ERBB4: variants seen among roughly 807,000 people sequenced by gnomAD.
ERBB4 encodes the protein erb-b2 receptor tyrosine kinase 4, also known as receptor tyrosine-protein kinase erbB-4.
ERBB4 carries 42 observed loss-of-function variants against 158.0 expected under a neutral mutation model. The observed-to-expected ratio is 0.27, with a 90% CI of 0.21 to 0.34. The LOEUF (loss-of-function observed/expected upper bound fraction) is 0.34. ERBB4 is among the 10% of genes least tolerant of loss of function. The probability of loss-of-function intolerance (pLI) is 1.00; values close to 1 mark genes in which losing one functional copy is unlikely to be tolerated. For synonymous variants in ERBB4, 583 were observed against 558.7 expected (o/e 1.04, Z -0.61); for missense variants, 1,333 against 1,624.1 (o/e 0.82, Z 3.08).
intron 4 of ERBB4, among the ~76,000 whole-genome samples, chr2:211,759,881 T>C (rs572715565): frequency 6.6e-6 from 1 of 152,190 alleles, no homozygotes; most frequent in African/African-American, 2.4e-5. Flanking sequence ...AGTTTTGTCA[T>C]CTGCTATTTT....
At chr2:211,863,051 C>T (rs1195249908) in intron 3 of ERBB4, among the ~76,000 whole-genome samples, 3 of 151,542 alleles carry the variant, frequency 2.0e-5, no homozygotes, top group Non-Finnish European at 2.9e-5. Flanking sequence ...CCAATCATCA[C>T]TCTGTAAAAA....
At chr2:212,320,695 C>T (rs950832919) in intron 1 of ERBB4, among the ~76,000 whole-genome samples, 6 of 149,830 alleles carry the variant, frequency 4.0e-5, no homozygotes, top group African/African-American at 1.5e-4. Context: ...AAGAAGCTAT[C>T]ATTCTTATAC....
chr2:212,265,923 C>G, intron 1 of ERBB4, among the ~76,000 whole-genome samples: 1 of 152,062 alleles, frequency 6.6e-6, no homozygotes, highest in Non-Finnish European at 1.5e-5. Context: ...ACTGTAACCA[C>G]TGAAGTGGCA....
intron 19 of ERBB4, among the ~76,000 whole-genome samples, chr2:211,566,935 G>A (rs1185168693): frequency 6.6e-6 from 1 of 152,142 alleles, no homozygotes; most frequent in Non-Finnish European, 1.5e-5. Context: ...AAGATCTTAG[G>A]AGTCTCCATT....
intron 2 of ERBB4, among the ~76,000 whole-genome samples, chr2:212,084,599 G>A (rs895037175): frequency 6.6e-5 from 10 of 152,092 alleles, no homozygotes; most frequent in Admixed American, 3.9e-4. Context: ...AAAGTTACAA[G>A]ATATTAGTGA....
chr2:212,074,033 C>A (rs969660832), intron 2 of ERBB4, among the ~76,000 whole-genome samples: 7 of 151,940 alleles, frequency 4.6e-5, no homozygotes, highest in African/African-American at 1.4e-4. Context: ...CTGATCCAGC[C>A]AAGAAAGCAC....
chr2:212,335,737 T>G (rs1019319294), intron 1 of ERBB4, among the ~76,000 whole-genome samples: 2 of 152,012 alleles, frequency 1.3e-5, no homozygotes, highest in African/African-American at 2.4e-5. Flanking sequence ...AACGAGATAC[T>G]ATGAAATTCA....
rs62185771 is a variant in ERBB4 at position 211,978,404 on chromosome 2, A to G, written c.235-30788T>C. ...TGTCTGTCTGTCTGTCTGTCTATCT[A>G]TCTATCTATCTATCTATCTATCTAT... On this transcript the variant is annotated intron_variant, in intron 2 of 27. Coordinates refer to ENST00000342788, the MANE Select transcript of ERBB4 (RefSeq NM_005235.3). 9.9e-3 allele frequency among the ~76,000 whole-genome samples: 1,025 copies of G among 104,014 alleles called. 8 individuals are homozygous for G. Among genetic ancestry groups the G allele is most frequent in the African/African-American group, 0.031 (843 of 27,000 alleles). 68.2% of individuals were successfully genotyped at this position (104,014 alleles called of 152,430 possible). A position where few individuals can be genotyped will look rare whatever the true frequency, so the allele number is the denominator to read the frequency against.
chr2:212,193,312 G>A (rs754613282), intron 1 of ERBB4, among the ~76,000 whole-genome samples: 35 of 152,110 alleles, frequency 2.3e-4, no homozygotes, highest in Non-Finnish European at 4.4e-4. Context: ...TTGTCACTCT[G>A]TAGGCTCAAG....
chr2:212,038,146 C>T (rs944658905), intron 2 of ERBB4, among the ~76,000 whole-genome samples: 13 of 151,966 alleles, frequency 8.6e-5, no homozygotes, highest in African/African-American at 2.9e-4. Flanking sequence ...GAAGCTACTT[C>T]CTGCCTATAG....
chr2:212,507,703 G>C (rs1325350412), intron 1 of ERBB4, among the ~76,000 whole-genome samples: 1 of 152,146 alleles, frequency 6.6e-6, no homozygotes, highest in Non-Finnish European at 1.5e-5. Flanking sequence ...ATGATCAAAT[G>C]AACAGATGAG....
At chr2:212,212,091 C>T (rs1401997302) in intron 1 of ERBB4, among the ~76,000 whole-genome samples, 1 of 151,972 alleles carries the variant, frequency 6.6e-6, no homozygotes, top group African/African-American at 2.4e-5. Context: ...AATGGGATTG[C>T]TGGATCAAAT....
chr2:211,425,481 T>A (rs1426596790), intron 22 of ERBB4, among the ~76,000 whole-genome samples: 1 of 152,064 alleles, frequency 6.6e-6, no homozygotes, highest in Non-Finnish European at 1.5e-5. Flanking sequence ...TAGTGACAAT[T>A]TAATTGACTG....
chr2:212,523,407 A>G (rs1233517697), intron 1 of ERBB4, among the ~76,000 whole-genome samples: 1 of 152,022 alleles, frequency 6.6e-6, no homozygotes, highest in East Asian at 1.9e-4. Flanking sequence ...GCATAAACTG[A>G]AGAGCAAAGT....
chr2:212,371,580 A>C (rs1030465734), intron 1 of ERBB4, among the ~76,000 whole-genome samples: 2 of 152,170 alleles, frequency 1.3e-5, no homozygotes, highest in Non-Finnish European at 2.9e-5. Flanking sequence ...GTCAGCACTC[A>C]TTTATTTGTG....
intron 2 of ERBB4, among the ~76,000 whole-genome samples, chr2:212,089,748 T>G (rs1315003946): frequency 1.3e-5 from 2 of 152,308 alleles, no homozygotes; most frequent in East Asian, 1.9e-4. Context: ...TAAGCTCTTT[T>G]CTTTGTAAAT....
At chr2:212,193,039 T>A (rs1574406850) in intron 1 of ERBB4, among the ~76,000 whole-genome samples, 1 of 152,062 alleles carries the variant, frequency 6.6e-6, no homozygotes. Flanking sequence ...GCAGGAAAAA[T>A]GTTGGAAATC....
chr2:212,538,036 C>A (rs1001715415), intron 1 of ERBB4, among the ~76,000 whole-genome samples: 11 of 152,154 alleles, frequency 7.2e-5, no homozygotes, highest in Non-Finnish European at 1.5e-4. Context: ...AGAGGCCCAG[C>A]CAGCACCGCC....
intron 2 of ERBB4, among the ~76,000 whole-genome samples, chr2:212,102,306 G>T (rs1163327663): frequency 2.0e-5 from 3 of 151,078 alleles, no homozygotes; most frequent in Non-Finnish European, 4.4e-5. Flanking sequence ...TGGTCAATTT[G>T]CTTCTAAAAT....
Sources: gnomAD v4.1 joint callset for allele counts (sites outside exome capture counted in the v4.1 genomes callset) on GRCh38, gnomAD v4.1.1 for gene constraint, MANE v1.5 for transcripts, NCBI Gene and HGNC (gene_info 2026-07-23, HGNC 2026-07-21) for gene names.